The following MCM5 variants were observed in gnomAD, a reference collection of about 807,000 sequenced individuals.
MCM5 encodes DNA replication licensing factor MCM5.
In MCM5, 46 loss-of-function variants were observed where a neutral mutation model predicts 79.9. That is an observed-to-expected ratio of 0.58 (90% confidence interval 0.45 to 0.74). The LOEUF (loss-of-function observed/expected upper bound fraction) is 0.74, where lower values mean the gene tolerates loss of function less well. Among genes scored for constraint, MCM5 ranks in the 30% least tolerant of loss-of-function variants. MCM5 has a pLI of 0.00. For missense variants in MCM5, 883 were observed against 1,017.0 expected (o/e 0.87, Z 1.79); for synonymous variants, 404 against 390.5 (o/e 1.03, Z -0.41).
At chr22:35,448,232 T>C in the MCM5 span, among the ~76,000 whole-genome samples, 2 of 152,200 alleles carry the variant, frequency 1.3e-5, no homozygotes, top group African/African-American at 4.8e-5. Flanking sequence ...ACAGTGGTCA[T>C]GAGGATCGAA....
chr22:35,413,693 G>C (rs1054873975), intron 8 of MCM5, among the ~76,000 whole-genome samples, 182 bp from the exon 9 acceptor site: 1 of 152,156 alleles, frequency 6.6e-6, no homozygotes, highest in Admixed American at 6.5e-5. Flanking sequence ...ACCTACCATG[G>C]TTTGGGAACT....
the MCM5 span, among the ~76,000 whole-genome samples, chr22:35,431,321 C>T: frequency 7.9e-5 from 12 of 152,172 alleles, no homozygotes; most frequent in Non-Finnish European, 1.6e-4. Context: ...TGCACGGAGC[C>T]GGGGTCCAAA....
intron 13 of MCM5, 106 bp from the exon 14 acceptor site, chr22:35,419,778 T>C (rs1932645557): frequency 1.7e-6 from 2 of 1,178,674 alleles, no homozygotes; most frequent in Non-Finnish European, 1.2e-6. Context: ...AGCTGTGGTG[T>C]GGTGGGAAAG....
At chr22:35,422,578 G>A (rs977600537) in intron 15 of MCM5, 1 of 152,424 alleles carries the variant, frequency 6.6e-6, no homozygotes, top group Non-Finnish European at 1.5e-5. Context: ...GAGGCCTCTG[G>A]GATGCTGCAG....
chr22:35,434,406 G>T, the MCM5 span, among the ~76,000 whole-genome samples: 1 of 152,082 alleles, frequency 6.6e-6, no homozygotes, highest in Non-Finnish European at 1.5e-5. Flanking sequence ...CACCCTCTCT[G>T]CCAAGAAAGA....
intron 2 of MCM5, chr22:35,401,542 A>T: frequency 2.1e-6 from 1 of 468,150 alleles, no homozygotes; most frequent in Non-Finnish European, 4.4e-6. Flanking sequence ...AAATGCAGAG[A>T]ACATGAGGTT....
intron 2 of MCM5, chr22:35,401,257 T>C (rs1046761753): frequency 2.6e-6 from 1 of 386,396 alleles, no homozygotes; most frequent in East Asian, 7.4e-5. Flanking sequence ...CTGCTTCCTA[T>C]CATCCTTCCA....
rs1321850305 is a variant in MCM5 at position 35,415,923 on chromosome 22, C to T, written c.1298C>T (p.Ala433Val). The change falls in exon 10 of 17, where the codon GCC (alanine) becomes GTC (valine). Residue 433 changes from alanine (A) to valine (V), a missense_variant. Coordinates refer to ENST00000216122, the MANE Select transcript of MCM5 (RefSeq NM_006739.4). ...SSRNFIMEGG[A>V]MVLADGGVVC... ...CGGAATTTCATCATGGAGGGCGGAG[C>T]CATGGTCCTGGCCGATGGTGGGGTC... 5.0e-6 allele frequency: 8 copies of T among 1,614,178 alleles called. No individual in the cohort carries two copies. The highest frequency in any genetic ancestry group is 2.2e-5 in the East Asian group (1 of 44,876).
chr22:35,431,838 C>T, the MCM5 span, among the ~76,000 whole-genome samples: 1 of 152,200 alleles, frequency 6.6e-6, no homozygotes, highest in Non-Finnish European at 1.5e-5. Flanking sequence ...GCCTCTCCTC[C>T]TCCAGGGGGC....
chr22:35,407,941 T>A (rs1454643169), intron 5 of MCM5, among the ~76,000 whole-genome samples: 1 of 152,230 alleles, frequency 6.6e-6, no homozygotes, highest in Non-Finnish European at 1.5e-5. Flanking sequence ...GATGTTTACT[T>A]CTTTATGTTG....
intron 13 of MCM5, 128 bp from the exon 14 acceptor site, chr22:35,419,756 A>G (rs1932644940): frequency 7.5e-6 from 7 of 930,438 alleles, no homozygotes; most frequent in Non-Finnish European, 9.4e-6. Flanking sequence ...CCCCCAGCCC[A>G]TATGAGTGGG....
Position 35,406,722 on chromosome 22 carries a change from A to G in MCM5, c.593A>G (p.Asn198Ser), listed in dbSNP as rs776717249. The G allele has an allele frequency of 4.4e-6, 7 of 1,606,842 alleles. No individual in the cohort carries two copies. Among genetic ancestry groups the G allele is most frequent in the Non-Finnish European group, 4.2e-6 (5 of 1,179,932 alleles). The change falls in exon 5 of 17, where the codon AAC becomes AGC. Residue 198 changes from asparagine (N) to serine (S), a missense_variant. By Grantham distance (46) the Asn-to-Ser change is conservative (BLOSUM62 1). This residue lies in a region of MCM5 where 455 missense variants were observed against 517.5 expected (regional missense o/e 0.88). Coordinates refer to ENST00000216122, the MANE Select transcript of MCM5 (RefSeq NM_006739.4). The part of the protein sequence containing the change: ...LEGYALPRKC[N>S]TDQAGRPKCP... Reference sequence around the variant, plus strand: ...GGCTATGCCCTGCCCAGGAAGTGCAACACGTGAGTCTGTGGCCCAGAGGGA... The same window carrying G: ...GGCTATGCCCTGCCCAGGAAGTGCAGCACGTGAGTCTGTGGCCCAGAGGGA...
the MCM5 span, among the ~76,000 whole-genome samples, chr22:35,438,268 CA>C: frequency 7.5e-6 from 1 of 133,842 alleles, no homozygotes; most frequent in Non-Finnish European, 1.6e-5. Context: ...CCCACCCACC[CA>C]CCCACATATT....
At chr22:35,412,379 G>T in intron 7 of MCM5, 131 bp from the exon 8 acceptor site, 1 of 622,530 alleles carries the variant, frequency 1.6e-6, no homozygotes, top group Non-Finnish European at 2.5e-6. Context: ...TACTCAGATA[G>T]GTTGTGCTGT....
At chr22:35,416,280 A>T in intron 10 of MCM5, 59 bp from the exon 11 acceptor site, 1 of 1,527,898 alleles carries the variant, frequency 6.5e-7, no homozygotes, top group Non-Finnish European at 9.1e-7. Flanking sequence ...TCCTGTTTCT[A>T]CTGCTCCCTG....
chr22:35,412,944 G>A (rs368299636), intron 8 of MCM5, among the ~76,000 whole-genome samples: 27 of 152,304 alleles, frequency 1.8e-4, no homozygotes, highest in East Asian at 1.2e-3. Flanking sequence ...GCTTAGGGTC[G>A]TGTAGGTACC....
intron 2 of MCM5, chr22:35,401,764 G>T: frequency 2.2e-6 from 1 of 464,998 alleles, no homozygotes; most frequent in Non-Finnish European, 4.5e-6. Context: ...GGAGTGAGTC[G>T]TGAAGACCAA....
chr22:35,416,121 TA>T, intron 10 of MCM5, 149 bp downstream of exon 10: 1 of 1,105,654 alleles, frequency 9.0e-7, no homozygotes, highest in Non-Finnish European at 1.3e-6. Context: ...GGAAGCTGCT[TA>T]ACCTCTTCAA....
the MCM5 span, among the ~76,000 whole-genome samples, chr22:35,436,176 A>AG: frequency 1.0e-3 from 136 of 130,258 alleles, no homozygotes; most frequent in African/African-American, 3.2e-3. Context: ...AAAAAAAAAA[A>AG]AAAAAAAGAA....
Sources: allele counts gnomAD v4.1 joint callset (sites outside exome capture counted in the v4.1 genomes callset), GRCh38; gene constraint gnomAD v4.1.1; regional missense constraint gnomAD v4.1.1; transcripts MANE v1.5; gene names NCBI Gene and HGNC (gene_info 2026-07-23, HGNC 2026-07-21).